Variants in APC2 observed in about 807,000 individuals in gnomAD.
APC2 encodes APC regulator of Wnt signaling pathway 2.
APC2 carries 41 observed loss-of-function variants against 72.5 expected under a neutral mutation model. That is an observed-to-expected ratio of 0.57 (90% CI 0.44 to 0.73). The LOEUF (loss-of-function observed/expected upper bound fraction) is 0.73. Among genes scored for constraint, APC2 ranks in the 30% least tolerant of loss-of-function variants. APC2 has a pLI of 0.00. For synonymous variants in APC2, 1,898 were observed against 1,612.0 expected (o/e 1.18, Z -4.25); for missense variants, 3,729 against 3,403.4 (o/e 1.10, Z -2.38).
At position 1,457,024 on chromosome 19, in the gene APC2, G is replaced by A; in HGVS notation, c.988G>A (p.Gly330Ser). Reference protein sequence around the residue: ...ILHGTEAAAGGRAGAPGAPGA... With the variant: ...ILHGTEAAAGSRAGAPGAPGA... ...CCACGGCACCGAGGCCGCGGCCGGG[G>A]GTCGCGCCGGGGCCCCAGGGGCACC... The change falls in exon 9 of 15, where the codon GGT becomes AGT. Residue 330 changes from glycine (G) to serine (S), a missense_variant. By Grantham distance (56) the Gly-to-Ser change is moderately conservative (BLOSUM62 0). Coordinates refer to ENST00000590469, the MANE Select transcript of APC2 (RefSeq NM_005883.3). 6.5e-7 allele frequency: 1 copy of A among 1,527,858 alleles called. No individual in the cohort carries two copies. Among genetic ancestry groups the A allele is most frequent in the Non-Finnish European group, 8.7e-7 (1 of 1,143,796 alleles). 94.6% of individuals were successfully genotyped at this position (1,527,858 alleles called of 1,614,324 possible).
rs996903023 is a variant in APC2, at chr19:1,452,871, C to A, written c.-18-113C>A. 1 of 1,319,012 alleles carries A rather than the reference C, an allele frequency of 7.6e-7. No individual in the cohort carries two copies. Among genetic ancestry groups the A allele is most frequent in the Non-Finnish European group, 1.0e-6 (1 of 978,794 alleles). The allele number at this position is 1,319,012 out of a possible 1,614,324, so 81.7% of individuals were successfully genotyped here. The stretch of plus-strand genomic sequence containing the variant: ...AGTGACTCCTGCCTGAGACCCCCCC[C>A]AACCCAGGATCAGGCAGGACGGCTG... On this transcript the variant is annotated intron_variant, in intron 1 of 14. Coordinates refer to ENST00000590469, the MANE Select transcript of APC2 (RefSeq NM_005883.3). This position sits in a 1 kb window ranked among gnomAD's most constrained non-coding sequence, Gnocchi z 5.1.
In APC2 at chr19:1,465,788, A is replaced by C. The variant is rs1337627597; in HGVS notation, c.2487A>C (p.Ala829=). ...TPPTRRGGKE[A]EKDTSGEAAV... is the part of the protein sequence containing the mutation. Reference sequence around the variant, plus strand: ...CCACCCGCCGAGGCGGCAAGGAGGCAGAGAAGGACACCAGTGGGGAGGCAG... The same window carrying C: ...CCACCCGCCGAGGCGGCAAGGAGGCCGAGAAGGACACCAGTGGGGAGGCAG... Residue 829 remains alanine (A), a synonymous_variant, in exon 15 of 15, where the codon GCA becomes GCC. Coordinates refer to ENST00000590469, the MANE Select transcript of APC2 (RefSeq NM_005883.3). 1 of 1,578,856 alleles carries C rather than the reference A, an allele frequency of 6.3e-7. No individual in the cohort carries two copies. The highest frequency in any genetic ancestry group is 1.4e-5 in the African/African-American group (1 of 73,586).
chr19:1,465,631 G>A lies in APC2; in HGVS notation c.2330G>A (p.Cys777Tyr), dbSNP rs779605140. The A allele has an allele frequency of 8.7e-6, 14 of 1,603,554 alleles. No homozygotes were observed. The highest frequency in any genetic ancestry group is 1.2e-5 in the Non-Finnish European group (14 of 1,176,010). The change falls in exon 15 of 15, where the codon TGC becomes TAC. Residue 777 changes from cysteine to tyrosine, a missense_variant. Transcript: ENST00000590469. Reference protein sequence around the residue: ...LAQDYASDSGCFDDDDAPSSL... With the variant: ...LAQDYASDSGYFDDDDAPSSL... ...CAAGACTATGCTTCCGATTCGGGCT[G>A]CTTTGACGACGACGATGCACCGTCA...
At chr19:1,454,297 G>A (rs976779575) in intron 4 of APC2, among the ~76,000 whole-genome samples, 1 of 152,106 alleles carries the variant, frequency 6.6e-6, no homozygotes, top group Non-Finnish European at 1.5e-5. Flanking sequence ...TGGGAGAAGT[G>A]TTAGAGGCAG....
In APC2 at chr19:1,470,026, C is replaced by T. The variant is rs774886561; in HGVS notation, c.6725C>T (p.Ala2242Val). ...GPSLAKAPISAPFVHEGLGVA... is the reference protein window; with the variant it reads ...GPSLAKAPISVPFVHEGLGVA... Reference sequence around the variant, plus strand: ...AGCCTCGCCAAGGCTCCCATCTCCGCACCCTTCGTGCACGAGGGCCTGGGG... The same window carrying T: ...AGCCTCGCCAAGGCTCCCATCTCCGTACCCTTCGTGCACGAGGGCCTGGGG... Residue 2242 changes from alanine to valine, a missense_variant, in exon 15 of 15, where the codon GCA becomes GTA. By Grantham distance (64) the Ala-to-Val change is moderately conservative. Transcript: ENST00000590469. The T allele has an allele frequency of 3.8e-6, 6 of 1,559,428 alleles. No homozygotes were observed. The highest frequency in any genetic ancestry group is 2.7e-5 in the African/African-American group (2 of 73,398).
Position 1,466,269 on chromosome 19 carries a change from G to A in APC2, c.2968G>A (p.Val990Met), listed in dbSNP as rs755330785. The A allele has an allele frequency of 6.5e-7, 1 of 1,531,546 alleles. No individual in the cohort carries two copies. The highest frequency in any genetic ancestry group is 8.7e-7 in the Non-Finnish European group (1 of 1,145,504). 94.9% of individuals were successfully genotyped at this position (1,531,546 alleles called of 1,614,324 possible). The change falls in exon 15 of 15, where the codon GTG becomes ATG. Residue 990 changes from valine to methionine, a missense_variant. Coordinates refer to ENST00000590469, the MANE Select transcript of APC2 (RefSeq NM_005883.3). ...CGAGGCCACCTCCGCCGACGCCCGC[G>A]TGCGCACCATCAAGCTGTCGCCTAC... ...AREATSADAR[V>M]RTIKLSPTYQ...
chr19:1,456,441 TC>T, intron 8 of APC2, 37 bp downstream of exon 8: 1 of 1,539,254 alleles, frequency 6.5e-7, no homozygotes. Flanking sequence ...GGCGCAGCTG[TC>T]TGGGCTGGAA....
rs143870588 is a variant in APC2 at position 1,457,003 on chromosome 19, G to A, written c.967G>A (p.Gly323Ser). Residue 323 changes from glycine to serine, a missense_variant, in exon 9 of 15, where the codon GGC becomes AGC. Coordinates refer to ENST00000590469, the MANE Select transcript of APC2 (RefSeq NM_005883.3). Reference protein sequence around the residue: ...CLPLLLQILHGTEAAAGGRAG... With the variant: ...CLPLLLQILHSTEAAAGGRAG... Reference sequence around the variant, plus strand: ...GCCTCTGCTGCTGCAAATCCTCCACGGCACCGAGGCCGCGGCCGGGGGTCG... The same window carrying A: ...GCCTCTGCTGCTGCAAATCCTCCACAGCACCGAGGCCGCGGCCGGGGGTCG... 4.7e-5 allele frequency: 72 copies of A among 1,530,232 alleles called. No homozygotes were observed. The Admixed American group carries it at 5.8e-4, about 12-fold the overall frequency. 94.8% of individuals were successfully genotyped at this position (1,530,232 alleles called of 1,614,324 possible). A position where few individuals can be genotyped will look rare whatever the true frequency, so the allele number is the denominator to read the frequency against.
At position 1,457,738 on chromosome 19, in the gene APC2, G is replaced by A. The variant is rs2083857799; in HGVS notation, c.1208-227G>A. 8 of 593,496 alleles carry A rather than the reference G, an allele frequency of 1.3e-5. No homozygotes were observed. The East Asian group carries it at 2.0e-4, about 15-fold the overall frequency. 36.8% of individuals were successfully genotyped at this position (593,496 alleles called of 1,614,324 possible). On this transcript the variant is annotated intron_variant, in intron 9 of 14. Transcript: ENST00000590469. ...AAAAAGGGCAGAAGCACAGCTGAAA[G>A]GTGTGGTGCTCCAGGAACTACCTCG...
At position 1,469,398 on chromosome 19, in the gene APC2, C is replaced by T; in HGVS notation, c.6097C>T (p.Leu2033=). 3 of 1,212,806 alleles carry T rather than the reference C, an allele frequency of 2.5e-6. No homozygotes were observed. Among genetic ancestry groups the T allele is most frequent in the Non-Finnish European group, 3.1e-6 (3 of 975,882 alleles). 75.1% of individuals were successfully genotyped at this position (1,212,806 alleles called of 1,614,324 possible). A position where few individuals can be genotyped will look rare whatever the true frequency, so the allele number is the denominator to read the frequency against. Residue 2033 remains leucine (L), a synonymous_variant, in exon 15 of 15, where the codon CTG becomes TTG. Transcript: ENST00000590469. ...GASPRRGRPA[L]PAVFLCSSRC... Reference sequence around the variant, plus strand: ...CTCGCCCCGCCGCGGCCGGCCCGCGCTGCCCGCCGTCTTCCTCTGCTCCTC... The same window carrying T: ...CTCGCCCCGCCGCGGCCGGCCCGCGTTGCCCGCCGTCTTCCTCTGCTCCTC...
In APC2 at chr19:1,457,895, C is replaced by CGG. The variant is rs71174372; in HGVS notation, c.1208-68_1208-67dup. On this transcript the variant is annotated intron_variant, in intron 9 of 14. Coordinates refer to ENST00000590469, the MANE Select transcript of APC2 (RefSeq NM_005883.3). ...CTTCAGGCCTGGGGCGGGCGGGTTG[C>CGG]GGGACCTTCGGGAGTCACCTGGGAC... 66 of 1,251,680 alleles carry CGG rather than the reference C, an allele frequency of 5.3e-5. 2 individuals are homozygous for CGG. Among genetic ancestry groups the CGG allele is most frequent in the Non-Finnish European group, 6.4e-5 (60 of 933,400 alleles). 77.5% of individuals were successfully genotyped at this position (1,251,680 alleles called of 1,614,324 possible).
rs1169455716 is a variant in APC2 at position 1,473,030 on chromosome 19, C to G, written c.*2817C>G. The G allele has an allele frequency of 6.6e-6, 1 of 152,352 alleles. No homozygotes were observed. The highest frequency in any genetic ancestry group is 1.5e-5 in the Non-Finnish European group (1 of 68,144). The allele number at this position is 152,352 out of a possible 1,614,324, so 9.4% of individuals were successfully genotyped here. ...ACCCGGCCCCATCTGTTGCCCCGGTCCAGCCCTGATGGCGCGCGCCTGGTC... is the reference window on the plus strand; with the variant it reads ...ACCCGGCCCCATCTGTTGCCCCGGTGCAGCCCTGATGGCGCGCGCCTGGTC... On this transcript the variant is annotated 3_prime_UTR_variant, in exon 15 of 15. Coordinates refer to ENST00000590469, the MANE Select transcript of APC2 (RefSeq NM_005883.3).
At position 1,453,630 on chromosome 19, in the gene APC2, C is replaced by A; in HGVS notation, c.413+19C>A. On this transcript the variant is annotated intron_variant, in intron 4 of 14. Coordinates refer to ENST00000590469, the MANE Select transcript of APC2 (RefSeq NM_005883.3). ...GGGAACGGTGAGTGGGCGTGGGAAC[C>A]CAGCCTCGGGCAGCTGGAGCATGAC... The A allele has an allele frequency of 6.3e-7, 1 of 1,579,544 alleles. No homozygotes were observed. Among genetic ancestry groups the A allele is most frequent in the South Asian group, 1.1e-5 (1 of 87,756 alleles).
Position 1,468,300 on chromosome 19 carries a change from G to C in APC2, c.4999G>C (p.Glu1667Gln), listed in dbSNP as rs1660249694. 2 of 1,542,876 alleles carry C rather than the reference G, an allele frequency of 1.3e-6. No homozygotes were observed. The highest frequency in any genetic ancestry group is 2.5e-5 in the East Asian group (1 of 40,562). Residue 1667 changes from glutamate (E) to glutamine (Q), a missense_variant, in exon 15 of 15, where the codon GAA becomes CAA. Transcript: ENST00000590469. ...TGAGCGGCCCGCAGAGGGGTCCCGG[G>C]AACGCGGCGAGGAGGCAGCGGGCTC... Reference protein sequence around the residue: ...LDERPAEGSRERGEEAAGSDR... With the variant: ...LDERPAEGSRQRGEEAAGSDR...
rs1007126374 is a variant in APC2, at chr19:1,456,940, C to T, written c.904C>T (p.Pro302Ser). The change falls in exon 9 of 15, where the codon CCC becomes TCC. Residue 302 changes from proline (P) to serine (S), a missense_variant. Coordinates refer to ENST00000590469, the MANE Select transcript of APC2 (RefSeq NM_005883.3). Reference sequence around the variant, plus strand: ...CACGCTGCTGGCCATGTCCAGCTCGCCCGAGAGCTGCGTGGCCATGCGCCG... The same window carrying T: ...CACGCTGCTGGCCATGTCCAGCTCGTCCGAGAGCTGCGTGGCCATGCGCCG... ...ARTLLAMSSS[P>S]ESCVAMRRSG... 9.0e-6 allele frequency: 14 copies of T among 1,556,088 alleles called. No individual in the cohort carries two copies. Among genetic ancestry groups the T allele is most frequent in the Non-Finnish European group, 1.1e-5 (13 of 1,158,762 alleles).
Position 1,469,536 on chromosome 19 carries a change from G to A in APC2, c.6235G>A (p.Glu2079Lys), listed in dbSNP as rs2084094619. The part of the protein sequence containing the change: ...GERPARRTTS[E>K]SPSRLPVRAP... ...GCGCCCTGCCCGGCGCACCACCTCC[G>A]AGAGCCCGTCCCGCCTGCCTGTGCG... The change falls in exon 15 of 15, where the codon GAG (glutamate) becomes AAG (lysine). Residue 2079 changes from glutamate to lysine, a missense_variant. Glu to Lys is a moderately conservative substitution (Grantham distance 56). Transcript: ENST00000590469. The A allele has an allele frequency of 1.7e-6, 2 of 1,201,276 alleles. No homozygotes were observed. Among genetic ancestry groups the A allele is most frequent in the Admixed American group, 3.4e-5 (1 of 29,440 alleles). 74.4% of individuals were successfully genotyped at this position (1,201,276 alleles called of 1,614,324 possible).
rs1361024062 is a variant in APC2 at position 1,469,129 on chromosome 19, C to T, written c.5828C>T (p.Pro1943Leu). The change falls in exon 15 of 15, where the codon CCG becomes CTG. Residue 1943 changes from proline (P) to leucine (L), a missense_variant. Pro to Leu is a moderately conservative substitution (Grantham distance 98). Transcript: ENST00000590469. ...AGGCCGGCCCGGCGTGGGCCGCCAC[C>T]GCTGGCTCGGGCAGTCCCGGAGCCG... Reference protein sequence around the residue: ...MQRPARRGPPPLARAVPEPGP... With the variant: ...MQRPARRGPPLLARAVPEPGP... The T allele has an allele frequency of 1.5e-6, 2 of 1,342,884 alleles. No homozygotes were observed. The highest frequency in any genetic ancestry group is 9.6e-7 in the Non-Finnish European group (1 of 1,040,220). 83.2% of individuals were successfully genotyped at this position (1,342,884 alleles called of 1,614,324 possible). A position where few individuals can be genotyped will look rare whatever the true frequency, so the allele number is the denominator to read the frequency against.
At position 1,452,823 on chromosome 19, in the gene APC2, G is replaced by A. The variant is rs1329923297; in HGVS notation, c.-18-161G>A. 11 of 861,768 alleles carry A rather than the reference G, an allele frequency of 1.3e-5. No individual in the cohort carries two copies. The highest frequency in any genetic ancestry group is 3.4e-5 in the African/African-American group (2 of 58,402). The allele number at this position is 861,768 out of a possible 1,614,324, so 53.4% of individuals were successfully genotyped here. On this transcript the variant is annotated intron_variant, in intron 1 of 14. Transcript: ENST00000590469. This position sits in a 1 kb window ranked among gnomAD's most constrained non-coding sequence, Gnocchi z 5.1. ...CCCCGGATTGCCTGGCCACCACCACGTGGGCCTGTACTTGTCCACACCAGT... is the reference window on the plus strand; with the variant it reads ...CCCCGGATTGCCTGGCCACCACCACATGGGCCTGTACTTGTCCACACCAGT...
rs1294463907 is a variant in APC2 at position 1,461,023 on chromosome 19, C to G, written c.1522-14C>G. Reference sequence around the variant, plus strand: ...GACCCTAGTCCCACCACACTTGCCCCTCACCCCACCCAGGTGGTGTCCAGC... The same window carrying G: ...GACCCTAGTCCCACCACACTTGCCCGTCACCCCACCCAGGTGGTGTCCAGC... On this transcript the variant is annotated splice_polypyrimidine_tract_variant and intron_variant, in intron 12 of 14. Coordinates refer to ENST00000590469, the MANE Select transcript of APC2 (RefSeq NM_005883.3). 6.2e-7 allele frequency: 1 copy of G among 1,613,576 alleles called. No individual in the cohort carries two copies. The highest frequency in any genetic ancestry group is 1.6e-4 in the Middle Eastern group (1 of 6,062).
Sources: allele counts gnomAD v4.1 joint callset (sites outside exome capture counted in the v4.1 genomes callset), GRCh38; gene constraint gnomAD v4.1.1; non-coding constraint Gnocchi (gnomAD v3.1); transcripts MANE v1.5; gene names NCBI Gene and HGNC (gene_info 2026-07-23, HGNC 2026-07-21).